Variants in QTMAN observed in about 807,000 individuals in gnomAD.
QTMAN encodes the protein queuosine-tRNA mannosyltransferase, also known as tRNA-queuosine alpha-mannosyltransferase.
At chr2:144,172,516 C>G in the QTMAN span, among the ~76,000 whole-genome samples, 1 of 149,766 alleles carries the variant, frequency 6.7e-6, no homozygotes, top group African/African-American at 2.5e-5. Flanking sequence ...CCCAGCTACT[C>G]AGATGGCTGA....
At chr2:144,091,712 A>G in the QTMAN span, among the ~76,000 whole-genome samples, 1 of 152,212 alleles carries the variant, frequency 6.6e-6, no homozygotes. Flanking sequence ...AGGCATTATG[A>G]CCATACAAAG....
the QTMAN span, among the ~76,000 whole-genome samples, chr2:144,321,763 G>A: frequency 3.4e-4 from 51 of 151,868 alleles, no homozygotes; most frequent in Non-Finnish European, 3.8e-4. Context: ...CTACCACACC[G>A]GGCTAATTTT....
At chr2:144,055,844 TA>T in the QTMAN span, among the ~76,000 whole-genome samples, 1 of 152,086 alleles carries the variant, frequency 6.6e-6, no homozygotes, top group African/African-American at 2.4e-5. Flanking sequence ...GACCATCAGG[TA>T]GAAACAAATG....
the QTMAN span, among the ~76,000 whole-genome samples, chr2:144,090,689 T>C: frequency 6.6e-6 from 1 of 152,052 alleles, no homozygotes; most frequent in African/African-American, 2.4e-5. Context: ...ATCTTTTGTA[T>C]ATATTGATGT....
chr2:144,010,390 T>C, the QTMAN span, among the ~76,000 whole-genome samples: 3 of 152,184 alleles, frequency 2.0e-5, no homozygotes, highest in East Asian at 1.9e-4. Context: ...AATAGGGACA[T>C]GGAAAGATGC....
the QTMAN span, chr2:144,142,160 T>C: frequency 1.3e-5 from 9 of 698,822 alleles, no homozygotes; most frequent in African/African-American, 1.4e-4. Flanking sequence ...TACTACACCT[T>C]AGGTTTGCAA....
the QTMAN span, among the ~76,000 whole-genome samples, chr2:144,317,031 A>C: frequency 6.6e-6 from 1 of 152,216 alleles, no homozygotes; most frequent in African/African-American, 2.4e-5. Flanking sequence ...CTGGAGACTT[A>C]CTAAACAGTT....
At chr2:144,044,960 T>C in the QTMAN span, among the ~76,000 whole-genome samples, 2 of 152,242 alleles carry the variant, frequency 1.3e-5, no homozygotes, top group Non-Finnish European at 2.9e-5. Flanking sequence ...GCATTTGTCA[T>C]TAGTCTGTGG....
At chr2:144,301,254 G>A in the QTMAN span, among the ~76,000 whole-genome samples, 48 of 152,000 alleles carry the variant, frequency 3.2e-4, no homozygotes, top group South Asian at 1.7e-3. Flanking sequence ...ACAGAATCTC[G>A]CTCTGTTACC....
the QTMAN span, among the ~76,000 whole-genome samples, chr2:144,308,644 C>A: frequency 1.3e-5 from 2 of 151,988 alleles, no homozygotes; most frequent in African/African-American, 4.8e-5. Flanking sequence ...CACAGAAAAT[C>A]TTTTACAACC....
chr2:144,055,310 AAC>A, the QTMAN span, among the ~76,000 whole-genome samples: 8 of 147,030 alleles, frequency 5.4e-5, no homozygotes, highest in East Asian at 2.0e-4. Context: ...CCTGAAATGG[AAC>A]ACACACACAC....
At chr2:143,970,151 G>A in the QTMAN span, among the ~76,000 whole-genome samples, 1 of 152,214 alleles carries the variant, frequency 6.6e-6, no homozygotes, top group South Asian at 2.1e-4. Context: ...ATCAGCTTCC[G>A]ATTTTTGTCT....
At chr2:144,304,015 A>G in the QTMAN span, among the ~76,000 whole-genome samples, 3 of 152,206 alleles carry the variant, frequency 2.0e-5, no homozygotes, top group Non-Finnish European at 4.4e-5. Context: ...AAAGCACCAC[A>G]TGTCTACACA....
At chr2:143,996,723 G>T in the QTMAN span, among the ~76,000 whole-genome samples, 8 of 152,034 alleles carry the variant, frequency 5.3e-5, no homozygotes, top group African/African-American at 2.4e-5. Context: ...TACTAGAGTT[G>T]CATTTTCTAA....
chr2:144,027,318 T>G, the QTMAN span, among the ~76,000 whole-genome samples: 1 of 152,218 alleles, frequency 6.6e-6, no homozygotes, highest in African/African-American at 2.4e-5. Flanking sequence ...CACATCGGGT[T>G]TTACTTGTAT....
the QTMAN span, among the ~76,000 whole-genome samples, chr2:144,239,686 T>C: frequency 6.6e-6 from 1 of 152,222 alleles, no homozygotes; most frequent in Non-Finnish European, 1.5e-5. Flanking sequence ...TTTTCATTAA[T>C]TTGCTTTGTA....
At chr2:144,082,522 C>G in the QTMAN span, among the ~76,000 whole-genome samples, 1 of 152,236 alleles carries the variant, frequency 6.6e-6, no homozygotes, top group East Asian at 1.9e-4. Context: ...CTTCCTCTAT[C>G]TCTACCATTT....
chr2:144,090,365 T>C, the QTMAN span, among the ~76,000 whole-genome samples: 31 of 152,014 alleles, frequency 2.0e-4, no homozygotes, highest in Non-Finnish European at 3.7e-4. Context: ...AATTACCCCA[T>C]GTAATAAGAA....
At chr2:144,030,128 T>C in the QTMAN span, among the ~76,000 whole-genome samples, 2 of 152,204 alleles carry the variant, frequency 1.3e-5, no homozygotes, top group Admixed American at 6.5e-5. Flanking sequence ...GTTTAGAGTG[T>C]AGCAAATGAT....
Sources: allele counts gnomAD v4.1 joint callset (sites outside exome capture counted in the v4.1 genomes callset), GRCh38; gene constraint gnomAD v4.1.1; transcripts MANE v1.5; gene names NCBI Gene and HGNC (gene_info 2026-07-23, HGNC 2026-07-21).